MRPL10: variants seen among roughly 807,000 people sequenced by gnomAD.
The protein encoded by MRPL10 is mitochondrial ribosomal protein L10.
A neutral mutation model predicts 19.8 loss-of-function variants in MRPL10; 14 were observed. The observed-to-expected ratio is 0.71, with a 90% CI of 0.47 to 1.11. The LOEUF (loss-of-function observed/expected upper bound fraction) is 1.11, where lower values mean the gene tolerates loss of function less well. Ranked by LOEUF, MRPL10 falls within the 50% of genes least tolerant of loss-of-function variation. The probability of loss-of-function intolerance (pLI) is 0.00; values close to 1 mark genes in which losing one functional copy is unlikely to be tolerated. For missense variants in MRPL10, 318 were observed against 339.6 expected (o/e 0.94, Z 0.50); for synonymous variants, 129 against 139.2 (o/e 0.93, Z 0.52).
rs1181319849 is a variant in MRPL10 at position 47,827,067 on chromosome 17, C to G, written c.360G>C (p.Lys120Asn). ...GGTTGGGGAAGACCTTCATCAGGAT[C>G]TTGTGTTTCCGCAGCTGGTGTCGCA... ...LLMRHQLRKH[K>N]ILMKVFPNQV... Residue 120 changes from lysine (K) to asparagine (N), a missense_variant, in exon 3 of 5, where the codon AAG becomes AAC. Lys to Asn is a moderately conservative substitution (Grantham distance 94). Transcript: ENST00000351111. 1 of 1,613,508 alleles carries G rather than the reference C, an allele frequency of 6.2e-7. No homozygotes were observed. The highest frequency in any genetic ancestry group is 2.2e-5 in the East Asian group (1 of 44,886).
At chr17:47,830,235 A>G (rs2033605682) in intron 1 of MRPL10, among the ~76,000 whole-genome samples, 1 of 152,210 alleles carries the variant, frequency 6.6e-6, no homozygotes, top group South Asian at 2.1e-4. Context: ...GTTTACAGAT[A>G]ATGCTACAGA....
At chr17:47,824,492 A>C (rs1193835296) in intron 4 of MRPL10, 34 bp from the exon 5 acceptor site, 1 of 1,506,748 alleles carries the variant, frequency 6.6e-7, no homozygotes, top group South Asian at 1.3e-5. Flanking sequence ...GGCTCCTTGC[A>C]GATTGCCTTT....
At chr17:47,825,286 G>A (rs534133863) in intron 4 of MRPL10, among the ~76,000 whole-genome samples, 16 of 152,260 alleles carry the variant, frequency 1.1e-4, no homozygotes, top group South Asian at 4.1e-4. Context: ...CTGAGATCAC[G>A]CCATTGCACT....
chr17:47,829,407 T>C (rs2143596327), intron 1 of MRPL10: 1 of 152,398 alleles, frequency 6.6e-6, no homozygotes, highest in African/African-American at 2.4e-5. Flanking sequence ...CTGTCTCTAA[T>C]GCTCAACTCT....
Position 47,828,757 on chromosome 17 carries a change from A to G in MRPL10, c.53-87T>C. 3.7e-6 allele frequency: 4 copies of G among 1,093,814 alleles called. No homozygotes were observed. The South Asian group carries it at 7.8e-5, about 21-fold the overall frequency. The allele number at this position is 1,093,814 out of a possible 1,614,324, so 67.8% of individuals were successfully genotyped here. On this transcript the variant is annotated intron_variant, in intron 1 of 4. Coordinates refer to ENST00000351111, the MANE Select transcript of MRPL10 (RefSeq NM_145255.4). ...ATGGAGAAAAAACACACCCTCTAGC[A>G]GAGAAAAGCACAGCTCACAGAGCTA...
rs1209021436 is a variant in MRPL10, at chr17:47,827,141, T to C, written c.286A>G (p.Ile96Val). ...IAAVFQDNRM[I>V]AVCQNVALSA... ...AGAGCCACATTCTGGCAGACGGCTA[T>C]CATTCGGTTGTCCTGGAAAACTGCT... Residue 96 changes from isoleucine to valine, a missense_variant, in exon 3 of 5, where the codon ATA becomes GTA. Transcript: ENST00000351111. 6 of 1,614,046 alleles carry C rather than the reference T, an allele frequency of 3.7e-6. No homozygotes were observed. The highest frequency in any genetic ancestry group is 5.1e-6 in the Non-Finnish European group (6 of 1,180,014).
rs370852412 is a variant in MRPL10 at position 47,828,663 on chromosome 17, C to A, written c.60G>T (p.Leu20=). 1.3e-6 allele frequency: 2 copies of A among 1,514,508 alleles called. No individual in the cohort carries two copies. Among genetic ancestry groups the A allele is most frequent in the Non-Finnish European group, 8.7e-7 (1 of 1,142,910 alleles). 93.8% of individuals were successfully genotyped at this position (1,514,508 alleles called of 1,614,324 possible). A position where few individuals can be genotyped will look rare whatever the true frequency, so the allele number is the denominator to read the frequency against. ...CATAGCGGACAGTCTGGAGGGTAGG[C>A]AGCCGGCCTGGGAGGGCATATAGCA... ...RGGLLPQAGR[L]PTLQTVRYGS... is the part of the protein sequence containing the mutation. The change falls in exon 2 of 5, where the codon CTG becomes CTT. Residue 20 remains leucine (L), a synonymous_variant. Coordinates refer to ENST00000351111, the MANE Select transcript of MRPL10 (RefSeq NM_145255.4).
rs3809869 is a variant in MRPL10 at position 47,826,797 on chromosome 17, A to C, written c.388-16T>G. The C allele has an allele frequency of 6.2e-7, 1 of 1,613,710 alleles. No individual in the cohort carries two copies. Among genetic ancestry groups the C allele is most frequent in the Non-Finnish European group, 8.5e-7 (1 of 1,179,800 alleles). On this transcript the variant is annotated splice_polypyrimidine_tract_variant and intron_variant, in intron 3 of 4. Coordinates refer to ENST00000351111, the MANE Select transcript of MRPL10 (RefSeq NM_145255.4). ...GCTTCAGGACCTGGGAACAGCAGGG[A>C]AAAATGGCTTATCGGGGACAAGTGG...
rs1268704899 is a variant in MRPL10, at chr17:47,826,733, G to A, written c.436C>T (p.Leu146Phe). Residue 146 changes from leucine to phenylalanine, a missense_variant, in exon 4 of 5, where the codon CTT (leucine) becomes TTT (phenylalanine). Transcript: ENST00000351111. ...EDSKYQNLLP[L>F]FVGHNMLLVS... The stretch of plus-strand genomic sequence containing the variant: ...AGCAGCATGTTGTGCCCCACAAAAA[G>A]GGGCAGCAGATTTTGGTACTTGGAA... 1 of 1,614,228 alleles carries A rather than the reference G, an allele frequency of 6.2e-7. No homozygotes were observed. Among genetic ancestry groups the A allele is most frequent in the Non-Finnish European group, 8.5e-7 (1 of 1,180,048 alleles).
intron 2 of MRPL10, among the ~76,000 whole-genome samples, chr17:47,827,894 CAAAAAAAAAAAAAA>C (rs60303077): frequency 2.2e-5 from 1 of 45,716 alleles, no homozygotes; most frequent in Non-Finnish European, 3.5e-5. Flanking sequence ...CTCTGTCTCA[CAAAAAAAAAAAAAA>C]AAAAAAAAAA....
At position 47,826,795 on chromosome 17, in the gene MRPL10, G is replaced by C. The variant is rs1214467316; in HGVS notation, c.388-14C>G. ...GGGCTTCAGGACCTGGGAACAGCAG[G>C]GAAAAATGGCTTATCGGGGACAAGT... On this transcript the variant is annotated splice_polypyrimidine_tract_variant and intron_variant, in intron 3 of 4. Coordinates refer to ENST00000351111, the MANE Select transcript of MRPL10 (RefSeq NM_145255.4). The C allele has an allele frequency of 1.9e-6, 3 of 1,613,990 alleles. No individual in the cohort carries two copies. Among genetic ancestry groups the C allele is most frequent in the Non-Finnish European group, 2.5e-6 (3 of 1,179,974 alleles).
rs559748909 is a variant in MRPL10 at position 47,823,358 on chromosome 17, T to C, written c.*847A>G. On this transcript the variant is annotated 3_prime_UTR_variant, in exon 5 of 5. Transcript: ENST00000351111. The stretch of plus-strand genomic sequence containing the variant: ...GAACAGGTATAGGGGAAGAGGATTT[T>C]CCTAGGAAGGGAAGCAAGAGTGAGG... 1 of 152,296 alleles carries C rather than the reference T, an allele frequency of 6.6e-6. No individual in the cohort carries two copies. The highest frequency in any genetic ancestry group is 1.9e-4 in the East Asian group (1 of 5,190). 9.4% of individuals were successfully genotyped at this position (152,296 alleles called of 1,614,324 possible).
chr17:47,826,890 C>T, intron 3 of MRPL10, 109 bp from the exon 4 acceptor site: 1 of 1,503,724 alleles, frequency 6.7e-7, no homozygotes, highest in Non-Finnish European at 9.1e-7. Context: ...GTCTTCTCAG[C>T]CCCTAATCAT....
chr17:47,831,328 A>C, intron 1 of MRPL10, 132 bp downstream of exon 1: 1 of 1,535,900 alleles, frequency 6.5e-7, no homozygotes. Context: ...GTCACAAGGA[A>C]CTGGACGGGG....
intron 1 of MRPL10, 73 bp downstream of exon 1, chr17:47,831,387 G>A (rs956623265): frequency 1.9e-6 from 3 of 1,544,972 alleles, no homozygotes; most frequent in Non-Finnish European, 2.6e-6. Context: ...GGAAGAATCA[G>A]TAGTAGAGGA....
At chr17:47,828,205 A>G (rs2033566300) in intron 2 of MRPL10, 1 of 177,016 alleles carries the variant, frequency 5.6e-6, no homozygotes. Context: ...CTCCATCTCA[A>G]AAAAAAAAAA....
intron 1 of MRPL10, among the ~76,000 whole-genome samples, chr17:47,831,008 G>A (rs2033620043): frequency 6.6e-6 from 1 of 152,222 alleles, no homozygotes; most frequent in Non-Finnish European, 1.5e-5. Flanking sequence ...TATATTAAGT[G>A]CTCAAATCCA....
At position 47,827,717 on chromosome 17, in the gene MRPL10, C is replaced by A. The variant is rs573901246; in HGVS notation, c.223-513G>T. 5.3e-5 allele frequency among the ~76,000 whole-genome samples: 8 copies of A among 150,884 alleles called. No individual in the cohort carries two copies. The South Asian group carries it at 1.7e-3, about 32-fold the overall frequency. On this transcript the variant is annotated intron_variant, in intron 2 of 4. Coordinates refer to ENST00000351111, the MANE Select transcript of MRPL10 (RefSeq NM_145255.4). ...TTCGAGACCAGCCTGACCAACATAG[C>A]GAAACCCCATCTCTACTAAAAATAC...
chr17:47,829,830 A>C (rs1312515432), intron 1 of MRPL10, among the ~76,000 whole-genome samples: 2 of 151,986 alleles, frequency 1.3e-5, no homozygotes, highest in Non-Finnish European at 2.9e-5. Context: ...CAGAGGTTGC[A>C]GTGAGCCGAG....
Sources: gnomAD v4.1 joint callset for allele counts (sites outside exome capture counted in the v4.1 genomes callset) on GRCh38, gnomAD v4.1.1 for gene constraint, MANE v1.5 for transcripts, NCBI Gene and HGNC (gene_info 2026-07-23, HGNC 2026-07-21) for gene names.